Variants in WASF2 observed in about 807,000 individuals in gnomAD.
WASF2 encodes the protein actin-binding protein WASF2.
Under a neutral mutation model 45.0 loss-of-function variants are expected in WASF2, and 14 were observed. That is an observed-to-expected ratio of 0.31 (90% CI 0.21 to 0.49). The LOEUF is 0.49. WASF2 is among the 20% of genes least tolerant of loss of function. The probability of loss-of-function intolerance (pLI) is 0.99; values close to 1 mark genes in which losing one functional copy is unlikely to be tolerated. For synonymous variants in WASF2, 200 were observed against 236.3 expected (o/e 0.85, Z 1.41); for missense variants, 439 against 636.1 (o/e 0.69, Z 3.33).
At chr1:27,440,167 G>A (rs1294972744) in intron 1 of WASF2, among the ~76,000 whole-genome samples, 1 of 152,158 alleles carries the variant, frequency 6.6e-6, no homozygotes, top group Non-Finnish European at 1.5e-5. Context: ...ATTCCAATGG[G>A]TTTCTACCAT....
chr1:27,418,425 G>A lies in WASF2; in HGVS notation c.266-3C>T. On this transcript the variant is annotated splice_region_variant and splice_polypyrimidine_tract_variant and intron_variant, in intron 3 of 8. Transcript: ENST00000618852. ...GGTGTTGATTCCTTGCAGTGACACT[G>A]AGAGAAGATGGAAGGCGTTAGAAAA... is the stretch of plus-strand genomic sequence containing the variant. The A allele has an allele frequency of 6.2e-7, 1 of 1,614,218 alleles. No homozygotes were observed. The highest frequency in any genetic ancestry group is 8.5e-7 in the Non-Finnish European group (1 of 1,180,028).
At chr1:27,467,007 G>A (rs2017621951) in intron 1 of WASF2, among the ~76,000 whole-genome samples, 1 of 151,666 alleles carries the variant, frequency 6.6e-6, no homozygotes. Flanking sequence ...TTGAGCCCAG[G>A]AGTTTGAGAT....
chr1:27,411,938 G>A (rs1026171973), intron 7 of WASF2, among the ~76,000 whole-genome samples: 6 of 152,166 alleles, frequency 3.9e-5, no homozygotes, highest in African/African-American at 9.7e-5. Context: ...CATTTGTTTC[G>A]GTATAGGCAA....
At chr1:27,434,807 T>C (rs2017109823) in intron 1 of WASF2, among the ~76,000 whole-genome samples, 1 of 152,202 alleles carries the variant, frequency 6.6e-6, no homozygotes, top group African/African-American at 2.4e-5. Context: ...CTGCCAGAAC[T>C]TCCTAGCCAT....
chr1:27,471,328 G>C (rs568822551), intron 1 of WASF2, among the ~76,000 whole-genome samples: 19 of 136,848 alleles, frequency 1.4e-4, no homozygotes, highest in Non-Finnish European at 2.3e-4. Flanking sequence ...CTGGGCGACA[G>C]AGCGAGACTC....
intron 1 of WASF2, among the ~76,000 whole-genome samples, chr1:27,482,373 A>C (rs1016395749): frequency 6.6e-6 from 1 of 152,180 alleles, no homozygotes; most frequent in Non-Finnish European, 1.5e-5. Flanking sequence ...TGGAGTTATG[A>C]AGTGTTTATG....
rs754944974 is a variant in WASF2 at position 27,428,920 on chromosome 1, T to C, written c.-30A>G. ...GACCTGCTTCAGGCAATGTTCTGAA[T>C]GGTGAAAAACAACCTAAAAAAGAAA... is the stretch of plus-strand genomic sequence containing the variant. On this transcript the variant is annotated 5_prime_UTR_variant, in exon 2 of 9. Coordinates refer to ENST00000618852, the MANE Select transcript of WASF2 (RefSeq NM_006990.5). 3.5e-5 allele frequency: 57 copies of C among 1,612,218 alleles called. No homozygotes were observed. Among genetic ancestry groups the C allele is most frequent in the Non-Finnish European group, 4.6e-5 (54 of 1,179,324 alleles).
chr1:27,441,145 G>A (rs1364890519), intron 1 of WASF2, among the ~76,000 whole-genome samples: 1 of 152,060 alleles, frequency 6.6e-6, no homozygotes, highest in African/African-American at 2.4e-5. Flanking sequence ...TGGGATTACA[G>A]GAGTGAGCCA....
At chr1:27,423,975 C>T (rs1315171662) in intron 2 of WASF2, among the ~76,000 whole-genome samples, 3 of 152,092 alleles carry the variant, frequency 2.0e-5, no homozygotes, top group African/African-American at 7.2e-5. Context: ...CGAGTGGCCA[C>T]AATACTGATA....
chr1:27,421,693 G>A (rs2016910575), intron 2 of WASF2, among the ~76,000 whole-genome samples: 1 of 152,184 alleles, frequency 6.6e-6, no homozygotes, highest in Non-Finnish European at 1.5e-5. Context: ...GCAGGCGCCT[G>A]TAATCCCAGC....
chr1:27,456,733 C>CT (rs568890517), intron 1 of WASF2, among the ~76,000 whole-genome samples: 2,241 of 132,150 alleles, frequency 0.017, 32 homozygotes, highest in Middle Eastern at 0.027. Context: ...AAGGTTTTCT[C>CT]TTTTTTTTTT....
At position 27,405,255 on chromosome 1, in the gene WASF2, T is replaced by G. The variant is rs1176681817; in HGVS notation, c.*2934A>C. On this transcript the variant is annotated 3_prime_UTR_variant, in exon 9 of 9. Transcript: ENST00000618852. ...GAGCCTGGGCCAGCTGCTCTGAGCC[T>G]CCAAGGGCTGGCTGAGCCTGCCCCC... is the stretch of plus-strand genomic sequence containing the variant. The G allele has an allele frequency of 6.6e-6, 1 of 152,260 alleles. No individual in the cohort carries two copies. The highest frequency in any genetic ancestry group is 1.5e-5 in the Non-Finnish European group (1 of 68,114). The allele number at this position is 152,260 out of a possible 1,614,324, so 9.4% of individuals were successfully genotyped here.
At chr1:27,487,605 ATATATAT>A (rs1321982398) in intron 1 of WASF2, among the ~76,000 whole-genome samples, 6 of 98,866 alleles carry the variant, frequency 6.1e-5, no homozygotes, top group Non-Finnish European at 1.1e-4. Flanking sequence ...ATAATATATA[ATATATAT>A]TATATATATT....
intron 1 of WASF2, among the ~76,000 whole-genome samples, chr1:27,460,386 T>C (rs539539913): frequency 6.6e-6 from 1 of 152,240 alleles, no homozygotes; most frequent in African/African-American, 2.4e-5. Flanking sequence ...AAGGCCTGAG[T>C]TCTGTTGGCG....
At chr1:27,427,177 G>A (rs1378944820) in intron 2 of WASF2, among the ~76,000 whole-genome samples, 1 of 152,164 alleles carries the variant, frequency 6.6e-6, no homozygotes, top group African/African-American at 2.4e-5. Context: ...CACAATGTAA[G>A]AAAATCTTGT....
chr1:27,463,803 T>A (rs1032906235), intron 1 of WASF2, among the ~76,000 whole-genome samples: 18 of 147,498 alleles, frequency 1.2e-4, no homozygotes, highest in African/African-American at 4.6e-4. Flanking sequence ...TTATTATTAT[T>A]ATTTTTTTTT....
chr1:27,428,747 T>C lies in WASF2; in HGVS notation c.130+14A>G. The C allele has an allele frequency of 6.2e-7, 1 of 1,614,146 alleles. No individual in the cohort carries two copies. The highest frequency in any genetic ancestry group is 8.5e-7 in the Non-Finnish European group (1 of 1,180,012). On this transcript the variant is annotated intron_variant, in intron 2 of 8. Coordinates refer to ENST00000618852, the MANE Select transcript of WASF2 (RefSeq NM_006990.5). ...ACCCCTGAGGGCAAAGCACAGGCTCTCTGAGGCACTCACTCAGGCTGCCCA... is the reference window on the plus strand; with the variant it reads ...ACCCCTGAGGGCAAAGCACAGGCTCCCTGAGGCACTCACTCAGGCTGCCCA...
At chr1:27,435,763 A>G (rs1434030966) in intron 1 of WASF2, among the ~76,000 whole-genome samples, 1 of 152,210 alleles carries the variant, frequency 6.6e-6, no homozygotes, top group Non-Finnish European at 1.5e-5. Context: ...TATTACCAGA[A>G]GACAGATAGA....
intron 1 of WASF2, among the ~76,000 whole-genome samples, chr1:27,488,642 A>AC (rs2017979684): frequency 6.6e-6 from 1 of 152,202 alleles, no homozygotes; most frequent in Non-Finnish European, 1.5e-5. Flanking sequence ...TTTCCAACTT[A>AC]CAGACTGAAT....
Sources: allele counts gnomAD v4.1 joint callset (sites outside exome capture counted in the v4.1 genomes callset), GRCh38; gene constraint gnomAD v4.1.1; transcripts MANE v1.5; gene names NCBI Gene and HGNC (gene_info 2026-07-23, HGNC 2026-07-21).